The following ZNF486 variants were observed in gnomAD, a reference collection of about 807,000 sequenced individuals.
ZNF486 encodes the protein zinc finger protein 486, also known as KRAB box only protein 2.
A neutral mutation model predicts 12.8 loss-of-function variants in ZNF486; 12 were observed. That is an observed-to-expected ratio of 0.94 (90% CI 0.60 to 1.52). The LOEUF is 1.52. Ranked by LOEUF, ZNF486 falls within the 40% of genes most tolerant of loss-of-function variation. The pLI is 0.00. For synonymous variants in ZNF486, 231 were observed against 184.9 expected, an observed-to-expected ratio of 1.25 and a Z score of -2.02; for missense variants, 738 against 545.0, an observed-to-expected ratio of 1.35 and a Z score of -3.53.
chr19:20,169,078 AT>A (rs1428459193), intron 1 of ZNF486, among the ~76,000 whole-genome samples: 1 of 151,266 alleles, frequency 6.6e-6, no homozygotes, highest in Non-Finnish European at 1.5e-5. Flanking sequence ...TGACCTTGTG[AT>A]CCGCCTACCT....
intron 1 of ZNF486, among the ~76,000 whole-genome samples, chr19:20,177,728 C>G (rs968774234): frequency 1.3e-5 from 2 of 152,134 alleles, no homozygotes; most frequent in Non-Finnish European, 2.9e-5. Context: ...GCATGTGCCA[C>G]CATGCCTGGT....
chr19:20,198,116 T>C lies in ZNF486; in HGVS notation c.*14T>C. Reference sequence around the variant, plus strand: ...CCAAGAACGTGACAAAGGATTATTTTATTATTATTATTTTTTTGAGAGGTA... The same window carrying C: ...CCAAGAACGTGACAAAGGATTATTTCATTATTATTATTTTTTTGAGAGGTA... On this transcript the variant is annotated 3_prime_UTR_variant, in exon 4 of 4. Transcript: ENST00000335117. 1 of 1,520,598 alleles carries C rather than the reference T, an allele frequency of 6.6e-7. No homozygotes were observed. The highest frequency in any genetic ancestry group is 8.8e-7 in the Non-Finnish European group (1 of 1,135,118). The allele number at this position is 1,520,598 out of a possible 1,614,324, so 94.2% of individuals were successfully genotyped here.
At chr19:20,185,451 C>T (rs1453535054) in intron 2 of ZNF486, among the ~76,000 whole-genome samples, 4 of 128,566 alleles carry the variant, frequency 3.1e-5, no homozygotes, top group Non-Finnish European at 6.3e-5. Flanking sequence ...CGCTCTGTTG[C>T]CCAGGCTGGA....
At chr19:20,177,459 G>A (rs1439964105) in intron 1 of ZNF486, among the ~76,000 whole-genome samples, 1 of 152,234 alleles carries the variant, frequency 6.6e-6, no homozygotes, top group African/African-American at 2.4e-5. Context: ...AACGATGTAT[G>A]ACATGGTGCT....
intron 1 of ZNF486, among the ~76,000 whole-genome samples, chr19:20,178,517 C>T (rs2089748824): frequency 6.6e-6 from 1 of 152,156 alleles, no homozygotes; most frequent in East Asian, 1.9e-4. Flanking sequence ...GCTGGGATTA[C>T]AGGTGTGAGC....
intron 3 of ZNF486, chr19:20,188,489 G>T (rs2089871869): frequency 7.5e-6 from 3 of 398,272 alleles, no homozygotes; most frequent in Non-Finnish European, 1.3e-5. Context: ...TTTGAGACCA[G>T]CCTGGGAAAG....
chr19:20,188,390 C>T (rs2086832876), intron 3 of ZNF486: 1 of 398,154 alleles, frequency 2.5e-6, no homozygotes, highest in African/African-American at 2.1e-5. Context: ...TTCAAGTGTA[C>T]ATTTTCAGGG....
chr19:20,173,687 T>C (rs533160648), intron 1 of ZNF486, among the ~76,000 whole-genome samples: 15 of 151,990 alleles, frequency 9.9e-5, no homozygotes, highest in Admixed American at 2.6e-4. Flanking sequence ...AAAAAATTAG[T>C]CAGGCGTGGT....
intron 1 of ZNF486, among the ~76,000 whole-genome samples, chr19:20,170,465 G>A (rs2089637087): frequency 6.6e-6 from 1 of 151,926 alleles, no homozygotes; most frequent in South Asian, 2.1e-4. Flanking sequence ...TACTTGGGAG[G>A]CTGAGGCAGG....
intron 1 of ZNF486, among the ~76,000 whole-genome samples, chr19:20,168,804 G>C (rs894447563): frequency 6.6e-6 from 1 of 152,080 alleles, no homozygotes; most frequent in Non-Finnish European, 1.5e-5. Context: ...GTAATTCCAA[G>C]CTAAGGCTAA....
rs1308972491 is a variant in ZNF486 at position 20,181,263 on chromosome 19, G to A, written c.31-3093G>A. On this transcript the variant is annotated intron_variant, in intron 1 of 3. Coordinates refer to ENST00000335117, the MANE Select transcript of ZNF486 (RefSeq NM_052852.4). ...GCAGATGAAAGGGAAAAATAGTCCG[G>A]GCGCGGTGGCTCACGCCTGTAATCC... 2.6e-5 allele frequency among the ~76,000 whole-genome samples: 4 copies of A among 151,846 alleles called. No homozygotes were observed. In the East Asian group the frequency reaches 7.8e-4, roughly 30 times the overall value.
chr19:20,181,660 A>G (rs2089788719), intron 1 of ZNF486, among the ~76,000 whole-genome samples: 2 of 152,220 alleles, frequency 1.3e-5, no homozygotes, highest in Non-Finnish European at 2.9e-5. Context: ...CTATTCTTGC[A>G]GATCCAGTAG....
chr19:20,170,984 C>G (rs1326814081), intron 1 of ZNF486, among the ~76,000 whole-genome samples: 3 of 152,056 alleles, frequency 2.0e-5, no homozygotes, highest in Admixed American at 2.0e-4. Flanking sequence ...AACATTAGTT[C>G]AAAAGAATAG....
chr19:20,169,403 C>A (rs2089622025), intron 1 of ZNF486, among the ~76,000 whole-genome samples: 1 of 152,196 alleles, frequency 6.6e-6, no homozygotes, highest in Non-Finnish European at 1.5e-5. Flanking sequence ...GCCACCGCGC[C>A]CGGCCAACAG....
rs1000222800 is a variant in ZNF486, at chr19:20,191,835, A to G, written c.254-5129A>G. On this transcript the variant is annotated intron_variant, in intron 3 of 3. Transcript: ENST00000335117. ...AGTATTCCTCTGTATGCAAAATAAT[A>G]TGGTCTATAATGTTGCGTAAGTTGT... 4.6e-5 allele frequency among the ~76,000 whole-genome samples: 7 copies of G among 152,152 alleles called. No individual in the cohort carries two copies. In the South Asian group the frequency reaches 1.2e-3, roughly 27 times the overall value.
In ZNF486 at chr19:20,167,238, A is replaced by C. The variant is rs782716252; in HGVS notation, c.-93A>C. 18 of 1,500,908 alleles carry C rather than the reference A, an allele frequency of 1.2e-5. No individual in the cohort carries two copies. The highest frequency in any genetic ancestry group is 1.5e-5 in the Non-Finnish European group (16 of 1,078,096). The allele number at this position is 1,500,908 out of a possible 1,614,324, so 93.0% of individuals were successfully genotyped here. A position where few individuals can be genotyped will look rare whatever the true frequency, so the allele number is the denominator to read the frequency against. The stretch of plus-strand genomic sequence containing the variant: ...TGTCTCTCGCTGCATCTGGAGCTCT[A>C]GGTCGCCTCTTCGCTACTCTGTGTC... On this transcript the variant is annotated 5_prime_UTR_variant, in exon 1 of 4. Coordinates refer to ENST00000335117, the MANE Select transcript of ZNF486 (RefSeq NM_052852.4).
At chr19:20,196,653 A>G (rs1324500563) in intron 3 of ZNF486, among the ~76,000 whole-genome samples, 2 of 152,252 alleles carry the variant, frequency 1.3e-5, no homozygotes, top group Admixed American at 6.5e-5. Flanking sequence ...TAAAGGCACA[A>G]TGTTATACTG....
At chr19:20,176,430 G>C (rs889875647) in intron 1 of ZNF486, 2 of 203,242 alleles carry the variant, frequency 9.8e-6, no homozygotes, top group East Asian at 1.7e-4. Context: ...GGTGGCGGCC[G>C]GGCAGAGGCT....
chr19:20,175,150 A>G (rs2089691637), intron 1 of ZNF486: 1 of 152,168 alleles, frequency 6.6e-6, no homozygotes, highest in African/African-American at 2.4e-5. Flanking sequence ...TTTCTTCATA[A>G]TGCTCATGTT....
Sources: gnomAD v4.1 joint callset for allele counts (sites outside exome capture counted in the v4.1 genomes callset) on GRCh38, gnomAD v4.1.1 for gene constraint, MANE v1.5 for transcripts, NCBI Gene and HGNC (gene_info 2026-07-23, HGNC 2026-07-21) for gene names.